MYB: variants seen among roughly 807,000 people sequenced by gnomAD.
MYB encodes transcriptional activator Myb.
A neutral mutation model predicts 92.9 loss-of-function variants in MYB; 28 were observed. The observed-to-expected ratio is 0.30, with a 90% CI of 0.22 to 0.41. The LOEUF (loss-of-function observed/expected upper bound fraction) is 0.41. Among genes scored for constraint, MYB ranks in the 10% least tolerant of loss-of-function variants. MYB has a pLI of 1.00. For synonymous variants in MYB, 295 were observed against 329.1 expected (o/e 0.90, Z 1.12); for missense variants, 679 against 929.3 (o/e 0.73, Z 3.50).
chr6:135,200,875 G>A (rs1284277703), intron 13 of MYB, among the ~76,000 whole-genome samples: 3 of 151,980 alleles, frequency 2.0e-5, no homozygotes, highest in Non-Finnish European at 4.4e-5. Flanking sequence ...TCAGGAGTTC[G>A]AGATCATCCT....
intron 15 of MYB, chr6:135,203,929 A>G: frequency 3.6e-6 from 4 of 1,115,930 alleles, no homozygotes; most frequent in Non-Finnish European, 3.3e-6. Context: ...AATATAACCA[A>G]TTCCAAATTA....
intron 7 of MYB, 138 bp downstream of exon 7, chr6:135,194,056 A>G: frequency 1.5e-6 from 1 of 684,544 alleles, no homozygotes; most frequent in Non-Finnish European, 2.5e-6. Context: ...AGTCTTGGCC[A>G]GCAATCTATT....
At chr6:135,202,772 G>T (rs867142399) in intron 14 of MYB, 8 of 379,930 alleles carry the variant, frequency 2.1e-5, no homozygotes, top group African/African-American at 1.5e-4. Context: ...ATGGTGCTGG[G>T]TTGGAACTCA....
intron 2 of MYB, 137 bp downstream of exon 2, chr6:135,186,157 G>A (rs1055358656): frequency 1.8e-5 from 12 of 659,378 alleles, no homozygotes; most frequent in Admixed American, 5.1e-5. Flanking sequence ...CATGTGCAGC[G>A]TGCCCTATGC....
intron 15 of MYB, among the ~76,000 whole-genome samples, chr6:135,204,793 C>T (rs1416043198): frequency 2.0e-5 from 3 of 152,004 alleles, no homozygotes; most frequent in Non-Finnish European, 4.4e-5. Context: ...TGGAGTTGGC[C>T]CCGTGTGGAG....
chr6:135,189,584 A>G (rs1184399829), intron 3 of MYB, among the ~76,000 whole-genome samples: 1 of 152,214 alleles, frequency 6.6e-6, no homozygotes, highest in East Asian at 1.9e-4. Context: ...CAGGAGGCAG[A>G]GTGTCTAATT....
At chr6:135,188,921 A>T (rs1053619449) in intron 3 of MYB, among the ~76,000 whole-genome samples, 15 of 152,228 alleles carry the variant, frequency 9.9e-5, no homozygotes, top group African/African-American at 3.4e-4. Flanking sequence ...CTCACAAATT[A>T]AGTAAACTGC....
At chr6:135,206,222 A>T (rs200429173) in intron 15 of MYB, among the ~76,000 whole-genome samples, 21,410 of 123,126 alleles carry the variant, frequency 0.17, 1,580 homozygotes, top group African/African-American at 0.19. Flanking sequence ...AAAAAAAAAA[A>T]AAAAATAATA....
At chr6:135,198,568 A>G (rs1376735467) in intron 10 of MYB, among the ~76,000 whole-genome samples, 2 of 152,260 alleles carry the variant, frequency 1.3e-5, no homozygotes, top group Non-Finnish European at 1.5e-5. Flanking sequence ...ATTATTAACT[A>G]TTATTTTCCC....
intron 8 of MYB, 183 bp downstream of exon 8, chr6:135,194,643 A>G (rs1777046742): frequency 1.8e-6 from 1 of 568,780 alleles, no homozygotes; most frequent in Admixed American, 3.6e-5. Flanking sequence ...ATTAAATTGG[A>G]AGCAGTCTTT....
At chr6:135,204,618 TG>T (rs1308089852) in intron 15 of MYB, among the ~76,000 whole-genome samples, 2 of 152,182 alleles carry the variant, frequency 1.3e-5, no homozygotes, top group African/African-American at 2.4e-5. Context: ...GTAGTATTAT[TG>T]TAAAATAAGG....
At position 135,196,670 on chromosome 6, in the gene MYB, A is replaced by G. The variant is rs1383993944; in HGVS notation, c.1204-291A>G. On this transcript the variant is annotated intron_variant, in intron 9 of 15. Coordinates refer to ENST00000341911, the MANE Select transcript of MYB (RefSeq NM_001130173.2). ...CACACTCATTGGTTAGGAGATGACC[A>G]TTGCCGTAATATGCCATCTAGAAAA... 4 of 1,164,282 alleles carry G rather than the reference A, an allele frequency of 3.4e-6. No individual in the cohort carries two copies. The African/African-American group carries it at 6.2e-5, about 18-fold the overall frequency. 72.1% of individuals were successfully genotyped at this position (1,164,282 alleles called of 1,614,324 possible).
Position 135,190,478 on chromosome 6 carries a change from A to T in MYB, c.527+131A>T, listed in dbSNP as rs909799627. 1.4e-6 allele frequency: 1 copy of T among 737,916 alleles called. No individual in the cohort carries two copies. Among genetic ancestry groups the T allele is most frequent in the Non-Finnish European group, 2.2e-6 (1 of 451,322 alleles). 45.7% of individuals were successfully genotyped at this position (737,916 alleles called of 1,614,324 possible). ...GTGTTTTATTAGATAAACCAGCTAC[A>T]TAGCTTTTAGAGATTGAAGACATCT... On this transcript the variant is annotated intron_variant, in intron 5 of 15. Coordinates refer to ENST00000341911, the MANE Select transcript of MYB (RefSeq NM_001130173.2). The surrounding 1 kb of genome is among the most constrained non-coding windows in gnomAD (Gnocchi z 4.5).
At chr6:135,211,587 A>T (rs1779707840) in intron 15 of MYB, among the ~76,000 whole-genome samples, 1 of 152,204 alleles carries the variant, frequency 6.6e-6, no homozygotes, top group Non-Finnish European at 1.5e-5. Context: ...TTTGGAACTC[A>T]TATGTGACTA....
At chr6:135,217,113 A>T (rs368971501) in intron 15 of MYB, among the ~76,000 whole-genome samples, 1 of 152,246 alleles carries the variant, frequency 6.6e-6, no homozygotes, top group South Asian at 2.1e-4. Flanking sequence ...TCATGCCTGT[A>T]ATCTCAGCAC....
In MYB at chr6:135,197,263, C is replaced by T. The variant is rs150884969; in HGVS notation, c.1506C>T (p.Asp502=). Residue 502 remains aspartate, a synonymous_variant, in exon 10 of 16, where the codon GAC becomes GAT. Transcript: ENST00000341911. ...TGDCSSFIFA[D]VSSSTPKRSP... ...ACTGTAGCTCCTTCATATTTGCTGACGTCAGCAGTTCAACTCCCAAGCGTT... is the reference window on the plus strand; with the variant it reads ...ACTGTAGCTCCTTCATATTTGCTGATGTCAGCAGTTCAACTCCCAAGCGTT... 16 of 1,613,920 alleles carry T rather than the reference C, an allele frequency of 9.9e-6. No homozygotes were observed. The highest frequency in any genetic ancestry group is 8.0e-5 in the African/African-American group (6 of 75,042).
At chr6:135,197,447 C>T (rs1208984417) in intron 10 of MYB, 124 bp downstream of exon 10, 17 of 957,904 alleles carry the variant, frequency 1.8e-5, no homozygotes, top group Middle Eastern at 3.4e-4. Flanking sequence ...TTCATTCTGT[C>T]GTTGAATCTA....
At chr6:135,213,421 A>C (rs945301829) in intron 15 of MYB, among the ~76,000 whole-genome samples, 10 of 152,172 alleles carry the variant, frequency 6.6e-5, no homozygotes, top group South Asian at 6.2e-4. Flanking sequence ...GTCCTGGAGG[A>C]AGAGCTAAAT....
rs1353905178 is a variant in MYB, at chr6:135,217,945, G to A, written c.2251G>A (p.Val751Met). The A allele has an allele frequency of 3.1e-6, 5 of 1,612,824 alleles. No individual in the cohort carries two copies. The highest frequency in any genetic ancestry group is 1.3e-5 in the African/African-American group (1 of 74,988). ...MTSSSQARKY[V>M]NAFSARTLVM ...ATCTTCCAGTCAAGCTCGTAAATAC[G>A]TGAATGCATTCTCAGCCCGGACGCT... Residue 751 changes from valine (V) to methionine (M), a missense_variant, in exon 16 of 16, where the codon GTG becomes ATG. Val to Met is a conservative substitution (Grantham distance 21). Around this residue, in one of 8 missense-constraint regions of MYB, gnomAD observed 402 missense variants for 434.2 expected, o/e 0.93. Transcript: ENST00000341911.
Sources: gnomAD v4.1 joint callset for allele counts (sites outside exome capture counted in the v4.1 genomes callset) on GRCh38, gnomAD v4.1.1 for gene constraint, gnomAD v4.1.1 regional missense constraint, Gnocchi (gnomAD v3.1) non-coding constraint, MANE v1.5 for transcripts, NCBI Gene and HGNC (gene_info 2026-07-23, HGNC 2026-07-21) for gene names.